Variants in BLVRB observed in about 807,000 individuals in gnomAD.
BLVRB encodes the protein biliverdin reductase B.
BLVRB carries 25 observed loss-of-function variants against 21.1 expected under a neutral mutation model. That is an observed-to-expected ratio of 1.19 (90% CI 0.86 to 1.66). BLVRB has a LOEUF of 1.66. Ranked by LOEUF, BLVRB falls within the 40% of genes most tolerant of loss-of-function variation. The pLI, the probability that BLVRB is intolerant of heterozygous loss-of-function variation, is 0.00. For synonymous variants in BLVRB, 128 were observed against 122.2 expected (o/e 1.05, Z -0.31); for missense variants, 274 against 282.7 (o/e 0.97, Z 0.22).
chr19:40,448,608 A>ATAACAACAACAAATATATAT (rs1249673226), intron 4 of BLVRB, among the ~76,000 whole-genome samples: 5 of 126,372 alleles, frequency 4.0e-5, no homozygotes, highest in African/African-American at 1.4e-4. Flanking sequence ...AACAACAACA[A>ATAACAACAACAAATATATAT]ATATATATAT....
intron 1 of BLVRB, among the ~76,000 whole-genome samples, chr19:40,460,978 A>AAACAG (rs1056294384): frequency 5.2e-5 from 7 of 134,352 alleles, no homozygotes; most frequent in African/African-American, 1.9e-4. Flanking sequence ...GTCTCAAACA[A>AAACAG]AACAAAACAA....
At chr19:40,457,817 G>A (rs1387506767) in intron 3 of BLVRB, 1 of 327,772 alleles carries the variant, frequency 3.1e-6, no homozygotes, top group South Asian at 7.8e-5. Context: ...CTCAGCCTAA[G>A]TCGGACGCCT....
Position 40,460,613 on chromosome 19 carries a change from A to T in BLVRB, c.80-2068T>A, listed in dbSNP as rs574043987. ...GACTCTGTCTCAAAAATAAATAAATAAATTAAATTAAATTAAATTAAATTA... is the reference window on the plus strand; with the variant it reads ...GACTCTGTCTCAAAAATAAATAAATTAATTAAATTAAATTAAATTAAATTA... On this transcript the variant is annotated intron_variant, in intron 1 of 4. Transcript: ENST00000263368. 3.7e-4 allele frequency among the ~76,000 whole-genome samples: 55 copies of T among 149,270 alleles called. No individual in the cohort carries two copies. The East Asian group carries it at 7.6e-3, about 21-fold the overall frequency.
At chr19:40,451,051 C>T (rs968505050) in intron 4 of BLVRB, among the ~76,000 whole-genome samples, 1 of 152,218 alleles carries the variant, frequency 6.6e-6, no homozygotes, top group East Asian at 1.9e-4. Flanking sequence ...TCCCTCACCA[C>T]TCCCCAGAGG....
chr19:40,451,586 G>A (rs535447526), intron 3 of BLVRB, 94 bp from the exon 4 acceptor site: 3 of 1,407,166 alleles, frequency 2.1e-6, no homozygotes, highest in African/African-American at 2.9e-5. Flanking sequence ...CAGGCTGAGT[G>A]CAGTGGCGCA....
chr19:40,450,807 G>A (rs1248493924), intron 4 of BLVRB, among the ~76,000 whole-genome samples: 1 of 150,746 alleles, frequency 6.6e-6, no homozygotes, highest in East Asian at 1.9e-4. Context: ...CCAAAGTGAT[G>A]AGATTACAGG....
intron 4 of BLVRB, among the ~76,000 whole-genome samples, chr19:40,448,850 G>C (rs571896987): frequency 6.6e-6 from 1 of 151,928 alleles, no homozygotes; most frequent in East Asian, 2.0e-4. Flanking sequence ...TCAGCACTTC[G>C]GGAGGCCAAG....
intron 3 of BLVRB, among the ~76,000 whole-genome samples, chr19:40,457,258 G>T (rs1449564960): frequency 1.3e-5 from 2 of 151,928 alleles, no homozygotes; most frequent in Admixed American, 6.6e-5. Flanking sequence ...AGCCATAAAT[G>T]ATTTTGCTTC....
In BLVRB at chr19:40,460,710, C is replaced by T. The variant is rs534830440; in HGVS notation, c.80-2165G>A. On this transcript the variant is annotated intron_variant, in intron 1 of 4. Coordinates refer to ENST00000263368, the MANE Select transcript of BLVRB (RefSeq NM_000713.3). Reference sequence around the variant, plus strand: ...ACCTGGTGCTGGGCGCGATGGCTCACGCCTGTAATCCCAGCACTTTGGGAG... The same window carrying T: ...ACCTGGTGCTGGGCGCGATGGCTCATGCCTGTAATCCCAGCACTTTGGGAG... Among the ~76,000 whole-genome samples the T allele has an allele frequency of 5.3e-5, 8 of 152,286 alleles. 1 individual carries two copies. The highest frequency in any genetic ancestry group is 2.1e-4 in the South Asian group (1 of 4,830).
chr19:40,453,966 C>T (rs774172303), intron 3 of BLVRB, among the ~76,000 whole-genome samples: 1 of 152,158 alleles, frequency 6.6e-6, no homozygotes, highest in East Asian at 1.9e-4. Flanking sequence ...GCCTGGACAA[C>T]AGAGCAAGAC....
In BLVRB at chr19:40,451,439, C is replaced by G. The variant is rs757253601; in HGVS notation, c.388G>C (p.Asp130His). 2.5e-6 allele frequency: 4 copies of G among 1,613,162 alleles called. No individual in the cohort carries two copies. Among genetic ancestry groups the G allele is most frequent in the East Asian group, 2.2e-5 (1 of 44,846 alleles). Residue 130 changes from aspartate to histidine, a missense_variant, in exon 4 of 5, where the codon GAT (aspartate) becomes CAT (histidine). Physicochemically the swap from Asp to His is moderately conservative, Grantham distance 81. Coordinates refer to ENST00000263368, the MANE Select transcript of BLVRB (RefSeq NM_000713.3). ...ACCTTGTGCATCCGGATGTGGTCAT[C>G]AGTCACAGCCTGCAGTCGTGGGGGC... The part of the protein sequence containing the change: ...KVPPRLQAVT[D>H]DHIRMHKVLR...
chr19:40,451,318 G>T, intron 4 of BLVRB, 46 bp downstream of exon 4: 1 of 1,576,602 alleles, frequency 6.3e-7, no homozygotes, highest in South Asian at 1.2e-5. Flanking sequence ...GGGCAGGAGG[G>T]AACAGGCAGA....
rs149363787 is a variant in BLVRB at position 40,458,497 on chromosome 19, T to G, written c.128A>C (p.Glu43Ala). ...LVRDSSRLPS[E>A]GPRPAHVVVG... Reference sequence around the variant, plus strand: ...TACCACGTGGGCCGGCCGGGGCCCCTCTGATGGCAGCCTGGAGGAGTCCCG... The same window carrying G: ...TACCACGTGGGCCGGCCGGGGCCCCGCTGATGGCAGCCTGGAGGAGTCCCG... Residue 43 changes from glutamate (E) to alanine (A), a missense_variant, in exon 2 of 5, where the codon GAG becomes GCG. By Grantham distance (107) the Glu-to-Ala change is moderately radical. Coordinates refer to ENST00000263368, the MANE Select transcript of BLVRB (RefSeq NM_000713.3). 63 of 1,611,400 alleles carry G rather than the reference T, an allele frequency of 3.9e-5. No individual in the cohort carries two copies. The highest frequency in any genetic ancestry group is 3.8e-5 in the Non-Finnish European group (45 of 1,179,274).
rs188977235 is a variant in BLVRB at position 40,460,474 on chromosome 19, A to T, written c.80-1929T>A. On this transcript the variant is annotated intron_variant, in intron 1 of 4. Transcript: ENST00000263368. ...GAAACCCCGTCTCTGCAAAAAAAAT[A>T]AAAAAAATCTAGCCAGGTGTGCTGG... is the stretch of plus-strand genomic sequence containing the variant. 2.1e-4 allele frequency among the ~76,000 whole-genome samples: 32 copies of T among 150,868 alleles called. No individual in the cohort carries two copies. The East Asian group carries it at 5.0e-3, about 24-fold the overall frequency.
At chr19:40,454,560 T>G (rs1399094642) in intron 3 of BLVRB, among the ~76,000 whole-genome samples, 4 of 146,372 alleles carry the variant, frequency 2.7e-5, no homozygotes, top group Non-Finnish European at 6.0e-5. Context: ...TTTTCTTTTT[T>G]TTTTTGAGGC....
chr19:40,463,829 G>A (rs140740833), intron 1 of BLVRB, among the ~76,000 whole-genome samples: 1 of 151,084 alleles, frequency 6.6e-6, no homozygotes. Flanking sequence ...ATGCAGTGGC[G>A]TAATCTCGGC....
intron 1 of BLVRB, among the ~76,000 whole-genome samples, chr19:40,461,523 G>A (rs62106990): frequency 0.22 from 32,505 of 147,618 alleles, 3,805 homozygotes; most frequent in African/African-American, 0.28. Context: ...TTTCTGAGAC[G>A]GAGTCTCGCT....
At chr19:40,448,608 AATATATATATAT>A (rs55783717) in intron 4 of BLVRB, among the ~76,000 whole-genome samples, 10,693 of 126,230 alleles carry the variant, frequency 0.085, 986 homozygotes, top group Admixed American at 0.23. Flanking sequence ...AACAACAACA[AATATATATATAT>A]ATATATATAT....
At chr19:40,465,121 G>A (rs1025110292) in intron 1 of BLVRB, among the ~76,000 whole-genome samples, 1 of 152,138 alleles carries the variant, frequency 6.6e-6, no homozygotes, top group Non-Finnish European at 1.5e-5. Flanking sequence ...AGCATGAGCT[G>A]AGTTCAAATC....
Sources: allele counts gnomAD v4.1 joint callset (sites outside exome capture counted in the v4.1 genomes callset), GRCh38; gene constraint gnomAD v4.1.1; transcripts MANE v1.5; gene names NCBI Gene and HGNC (gene_info 2026-07-23, HGNC 2026-07-21).